Variants in OR8D1 observed in about 807,000 individuals in gnomAD.
OR8D1 encodes the protein olfactory receptor family 8 subfamily D member 1.
For synonymous variants in OR8D1, 143 were observed against 147.0 expected, an observed-to-expected ratio of 0.97 and a Z score of 0.20; for missense variants, 384 against 366.8, an observed-to-expected ratio of 1.05 and a Z score of -0.38.
rs746615167 is a variant in OR8D1, at chr11:124,310,067, G to A, written c.700C>T (p.Arg234Trp). 16 of 1,613,408 alleles carry A rather than the reference G, an allele frequency of 9.9e-6. No homozygotes were observed. Among genetic ancestry groups the A allele is most frequent in the South Asian group, 6.6e-5 (6 of 91,050 alleles). Residue 234 changes from arginine (R) to tryptophan (W), a missense_variant, in exon 3 of 3, where the codon CGG becomes TGG. Physicochemically the swap from Arg to Trp is moderately radical, Grantham distance 101. Coordinates refer to ENST00000641015, the MANE Select transcript of OR8D1 (RefSeq NM_001002917.2). Reference protein sequence around the residue: ...SILHIRSSEGRSKAFGTCSSH... With the variant: ...SILHIRSSEGWSKAFGTCSSH... ...CTGCATGTTCCAAAAGCTTTGGACC[G>A]GCCCTCTGAGGAGCGGATGTGAAGG...
intron 1 of OR8D1, among the ~76,000 whole-genome samples, 154 bp downstream of exon 1, chr11:124,313,566 AG>A (rs1392929612): frequency 3.3e-5 from 5 of 152,176 alleles, no homozygotes; most frequent in African/African-American, 4.8e-5. Flanking sequence ...TCAATAGAAG[AG>A]GAGAAGGGAG....
Position 124,303,028 on chromosome 11 carries a change from G to A in OR8D1, c.*6812C>T, listed in dbSNP as rs1346702077. On this transcript the variant is annotated 3_prime_UTR_variant, in exon 3 of 3. Transcript: ENST00000641015. ...CCAAAACTACAGACAGTTCAGAAAT[G>A]AGTCTGTATTAATCCGTTTTCACAT... The A allele has an allele frequency of 1.3e-5, 2 of 152,034 alleles. No individual in the cohort carries two copies. The highest frequency in any genetic ancestry group is 3.9e-4 in the East Asian group (2 of 5,172). 9.4% of individuals were successfully genotyped at this position (152,034 alleles called of 1,614,324 possible).
rs1016653238 is a variant in OR8D1 at position 124,309,857 on chromosome 11, C to T, written c.910G>A (p.Val304Ile). 3 of 1,452,628 alleles carry T rather than the reference C, an allele frequency of 2.1e-6. No individual in the cohort carries two copies. The highest frequency in any genetic ancestry group is 2.8e-5 in the African/African-American group (2 of 71,156). The allele number at this position is 1,452,628 out of a possible 1,614,324, so 90.0% of individuals were successfully genotyped here. Residue 304 changes from valine to isoleucine, a missense_variant, in exon 3 of 3, where the codon GTC becomes ATC. Val to Ile is a conservative substitution (Grantham distance 29, BLOSUM62 3). Coordinates refer to ENST00000641015, the MANE Select transcript of OR8D1 (RefSeq NM_001002917.2). ...ATCAGGACTCATTTTCCTACTAAGA[C>T]CTTCCTTAATGCTTTCTTCACATCC... is the stretch of plus-strand genomic sequence containing the variant. ...NKDVKKALRK[V>I]LVGK
rs1230569817 is a variant in OR8D1, at chr11:124,308,827, A to G, written c.*1013T>C. The G allele has an allele frequency of 1.3e-5, 2 of 152,152 alleles. No individual in the cohort carries two copies. The highest frequency in any genetic ancestry group is 3.8e-4 in the East Asian group (2 of 5,198). 9.4% of individuals were successfully genotyped at this position (152,152 alleles called of 1,614,324 possible). A position where few individuals can be genotyped will look rare whatever the true frequency, so the allele number is the denominator to read the frequency against. ...AATTCAATGGAATATTCCTGGGAAGAAGAGAAAACAGCTGAGGGATGCAGA... is the reference window on the plus strand; with the variant it reads ...AATTCAATGGAATATTCCTGGGAAGGAGAGAAAACAGCTGAGGGATGCAGA... On this transcript the variant is annotated 3_prime_UTR_variant, in exon 3 of 3. Transcript: ENST00000641015.
rs1444737879 is a variant in OR8D1 at position 124,310,757 on chromosome 11, C to A, written c.10G>T (p.Glu4Ter). The stretch of plus-strand genomic sequence containing the variant: ...AACTGAGCTGCCATAGAATAATTTT[C>A]CATGGTCATTCTTCTTTAGGCATTT... MTM[E>*]NYSMAAQFVL... The change falls in exon 3 of 3, where the codon GAA (glutamate) becomes TAA (stop). Residue 4 changes from glutamate (E) to a stop codon, truncating the protein, a stop_gained. Transcript: ENST00000641015. LOFTEE classifies it low-confidence loss of function (END_TRUNC). The A allele has an allele frequency of 6.2e-7, 1 of 1,608,972 alleles. No individual in the cohort carries two copies. The highest frequency in any genetic ancestry group is 8.5e-7 in the Non-Finnish European group (1 of 1,177,066).
Position 124,309,937 on chromosome 11 carries a change from A to G in OR8D1, c.830T>C (p.Phe277Ser), listed in dbSNP as rs752981779. The G allele has an allele frequency of 3.9e-6, 6 of 1,545,272 alleles. No homozygotes were observed. The Admixed American group carries it at 1.2e-4, about 32-fold the overall frequency. Residue 277 changes from phenylalanine to serine, a missense_variant, in exon 3 of 3, where the codon TTC (phenylalanine) becomes TCC (serine). Physicochemically the swap from Phe to Ser is radical, Grantham distance 155. Transcript: ENST00000641015. ...SLDQEKVSSV[F>S]YTTVIPMLNP... The stretch of plus-strand genomic sequence containing the variant: ...CAGCATGGGGATCACCGTGGTGTAG[A>G]ACACAGAGGACACCTTCTCCTGGTC...
In OR8D1 at chr11:124,303,075, A is replaced by G. The variant is rs1444780941; in HGVS notation, c.*6765T>C. ...ACATTGCTATAAGGAACTGCTGGAG[A>G]CTAGGTTATTCATAAAGAAGAGAGG... On this transcript the variant is annotated 3_prime_UTR_variant, in exon 3 of 3. Transcript: ENST00000641015. 1.3e-5 allele frequency: 2 copies of G among 152,198 alleles called. No individual in the cohort carries two copies. The highest frequency in any genetic ancestry group is 4.8e-5 in the African/African-American group (2 of 41,420). The allele number at this position is 152,198 out of a possible 1,614,324, so 9.4% of individuals were successfully genotyped here. A position where few individuals can be genotyped will look rare whatever the true frequency, so the allele number is the denominator to read the frequency against.
At chr11:124,312,899 C>T (rs140011410) in intron 1 of OR8D1, among the ~76,000 whole-genome samples, 7 of 152,028 alleles carry the variant, frequency 4.6e-5, no homozygotes, top group Admixed American at 3.9e-4. Flanking sequence ...TTGAGCCAGG[C>T]GTGGTGCCTC....
chr11:124,303,228 A>G lies in OR8D1; in HGVS notation c.*6612T>C, dbSNP rs2137786324. 6.6e-6 allele frequency: 1 copy of G among 152,186 alleles called. No individual in the cohort carries two copies. Among genetic ancestry groups the G allele is most frequent in the East Asian group, 1.9e-4 (1 of 5,164 alleles). 9.4% of individuals were successfully genotyped at this position (152,186 alleles called of 1,614,324 possible). A position where few individuals can be genotyped will look rare whatever the true frequency, so the allele number is the denominator to read the frequency against. On this transcript the variant is annotated 3_prime_UTR_variant, in exon 3 of 3. Coordinates refer to ENST00000641015, the MANE Select transcript of OR8D1 (RefSeq NM_001002917.2). ...CAGAGCAGGAAAAACTACCATTTATAAAACCATCAGATCTTGTGAGAATTC... is the reference window on the plus strand; with the variant it reads ...CAGAGCAGGAAAAACTACCATTTATGAAACCATCAGATCTTGTGAGAATTC...
chr11:124,313,454 TC>T (rs1273573148), intron 1 of OR8D1, among the ~76,000 whole-genome samples: 3 of 152,104 alleles, frequency 2.0e-5, no homozygotes, highest in African/African-American at 7.2e-5. Context: ...AGCAAACACT[TC>T]AGTCATATGG....
rs1862391466 is a variant in OR8D1, at chr11:124,309,038, A to C, written c.*802T>G. On this transcript the variant is annotated 3_prime_UTR_variant, in exon 3 of 3. Transcript: ENST00000641015. ...CATGGACCACAGCTTCAGTTCAGGAATCTGCAGAGGACAGTTCTCCAACTG... is the reference window on the plus strand; with the variant it reads ...CATGGACCACAGCTTCAGTTCAGGACTCTGCAGAGGACAGTTCTCCAACTG... 1 of 152,056 alleles carries C rather than the reference A, an allele frequency of 6.6e-6. No homozygotes were observed. The highest frequency in any genetic ancestry group is 1.5e-5 in the Non-Finnish European group (1 of 67,996). 9.4% of individuals were successfully genotyped at this position (152,056 alleles called of 1,614,324 possible).
Position 124,313,726 on chromosome 11 carries a change from TC to T in OR8D1, c.-128del, listed in dbSNP as rs1275056483. 6.6e-6 allele frequency: 1 copy of T among 152,186 alleles called. No individual in the cohort carries two copies. Among genetic ancestry groups the T allele is most frequent in the Non-Finnish European group, 1.5e-5 (1 of 68,044 alleles). 9.4% of individuals were successfully genotyped at this position (152,186 alleles called of 1,614,324 possible). The stretch of plus-strand genomic sequence containing the variant: ...AAAGGAGATGGGACACTTACCTTGG[TC>T]CTGCACAGAAACAGAATTTCTTAGG... On this transcript the variant is annotated 5_prime_UTR_variant, in exon 1 of 3. Transcript: ENST00000641015.
Position 124,309,597 on chromosome 11 carries a change from T to G in OR8D1, c.*243A>C. 4.2e-6 allele frequency: 1 copy of G among 240,266 alleles called. No individual in the cohort carries two copies. The highest frequency in any genetic ancestry group is 8.0e-6 in the Non-Finnish European group (1 of 125,770). 14.9% of individuals were successfully genotyped at this position (240,266 alleles called of 1,614,324 possible). On this transcript the variant is annotated 3_prime_UTR_variant, in exon 3 of 3. Transcript: ENST00000641015. The stretch of plus-strand genomic sequence containing the variant: ...AATTCTCATGTCTTTTCTATCACAA[T>G]TGGTAAAAGAAATTAAAACTACCTA...
At chr11:124,313,501 G>A (rs959165368) in intron 1 of OR8D1, among the ~76,000 whole-genome samples, 1 of 152,110 alleles carries the variant, frequency 6.6e-6, no homozygotes, top group African/African-American at 2.4e-5. Flanking sequence ...ACTTAGACTA[G>A]GAATCATTCC....
chr11:124,313,314 AG>A (rs201391983), intron 1 of OR8D1, among the ~76,000 whole-genome samples: 12,829 of 151,374 alleles, frequency 0.085, 1,580 homozygotes, highest in African/African-American at 0.27. Context: ...AAGAAAGAAA[AG>A]AAAGAGAAAA....
rs1862360080 is a variant in OR8D1, at chr11:124,305,368, C to T, written c.*4472G>A. The T allele has an allele frequency of 6.6e-6, 1 of 151,382 alleles. No homozygotes were observed. The highest frequency in any genetic ancestry group is 1.5e-5 in the Non-Finnish European group (1 of 67,778). The allele number at this position is 151,382 out of a possible 1,614,324, so 9.4% of individuals were successfully genotyped here. ...TATAAACACAAAATTCTTGGAAATG[C>T]TAATAATCTACAATGACAAAAGTGG... is the stretch of plus-strand genomic sequence containing the variant. On this transcript the variant is annotated 3_prime_UTR_variant, in exon 3 of 3. Transcript: ENST00000641015.
In OR8D1 at chr11:124,304,491, G is replaced by A. The variant is rs1164878648; in HGVS notation, c.*5349C>T. The stretch of plus-strand genomic sequence containing the variant: ...TGCTATTATGAATAAAGATTTAATA[G>A]ACATTCTAGTATATTTTTATTTCTG... On this transcript the variant is annotated 3_prime_UTR_variant, in exon 3 of 3. Transcript: ENST00000641015. 6.6e-6 allele frequency: 1 copy of A among 151,808 alleles called. No homozygotes were observed. 9.4% of individuals were successfully genotyped at this position (151,808 alleles called of 1,614,324 possible).
Position 124,306,225 on chromosome 11 carries a change from T to G in OR8D1, c.*3615A>C, listed in dbSNP as rs1862367772. The G allele has an allele frequency of 6.6e-6, 1 of 151,460 alleles. No individual in the cohort carries two copies. The highest frequency in any genetic ancestry group is 2.4e-5 in the African/African-American group (1 of 41,366). The allele number at this position is 151,460 out of a possible 1,614,324, so 9.4% of individuals were successfully genotyped here. The stretch of plus-strand genomic sequence containing the variant: ...TATTATCAACCTGTCTTACAGAAAT[T>G]AATACAGTTATCTATATATATTATC... On this transcript the variant is annotated 3_prime_UTR_variant, in exon 3 of 3. Transcript: ENST00000641015.
At position 124,303,650 on chromosome 11, in the gene OR8D1, A is replaced by G. The variant is rs990799323; in HGVS notation, c.*6190T>C. On this transcript the variant is annotated 3_prime_UTR_variant, in exon 3 of 3. Coordinates refer to ENST00000641015, the MANE Select transcript of OR8D1 (RefSeq NM_001002917.2). ...CTTTATGTATGATGCCTTTTATTGTAAAGTTTTTTAATGTGGCTGTATTTA... is the reference window on the plus strand; with the variant it reads ...CTTTATGTATGATGCCTTTTATTGTGAAGTTTTTTAATGTGGCTGTATTTA... 1.3e-5 allele frequency: 2 copies of G among 152,016 alleles called. No homozygotes were observed. The highest frequency in any genetic ancestry group is 2.9e-5 in the Non-Finnish European group (2 of 67,986). 9.4% of individuals were successfully genotyped at this position (152,016 alleles called of 1,614,324 possible).
Sources: allele counts gnomAD v4.1 joint callset (sites outside exome capture counted in the v4.1 genomes callset), GRCh38; gene constraint gnomAD v4.1.1; transcripts MANE v1.5; gene names NCBI Gene and HGNC (gene_info 2026-07-23, HGNC 2026-07-21).